The following BMAL1 variants were observed in gnomAD, a reference collection of about 807,000 sequenced individuals.
BMAL1 encodes basic helix-loop-helix ARNT-like protein 1.
At chr11:13,360,728 A>T in the BMAL1 span, among the ~76,000 whole-genome samples, 2 of 152,230 alleles carry the variant, frequency 1.3e-5, no homozygotes, top group Non-Finnish European at 2.9e-5. Flanking sequence ...CTGCATGAAG[A>T]TTTTAGGAAG....
chr11:13,372,909 T>C, the BMAL1 span, among the ~76,000 whole-genome samples: 1 of 152,186 alleles, frequency 6.6e-6, no homozygotes, highest in East Asian at 1.9e-4. Flanking sequence ...CTTTGGCATA[T>C]AGAGACAATT....
the BMAL1 span, among the ~76,000 whole-genome samples, chr11:13,300,017 C>T: frequency 1.3e-5 from 2 of 152,308 alleles, no homozygotes; most frequent in African/African-American, 4.8e-5. Context: ...GGAAAGTTCC[C>T]TTCCCATTCC....
the BMAL1 span, among the ~76,000 whole-genome samples, chr11:13,308,287 C>T: frequency 6.6e-6 from 1 of 152,182 alleles, no homozygotes; most frequent in African/African-American, 2.4e-5. Context: ...GTTTGAGACA[C>T]CCACCATGTC....
the BMAL1 span, among the ~76,000 whole-genome samples, chr11:13,307,565 A>G: frequency 6.6e-6 from 1 of 152,230 alleles, no homozygotes; most frequent in Non-Finnish European, 1.5e-5. Context: ...CAAGGGCATA[A>G]AGAATGAGTC....
At chr11:13,363,337 A>G in the BMAL1 span, among the ~76,000 whole-genome samples, 1 of 152,082 alleles carries the variant, frequency 6.6e-6, no homozygotes, top group African/African-American at 2.4e-5. Context: ...TTATCATGCT[A>G]TCTCAGCTAA....
At chr11:13,278,825 C>T in the BMAL1 span, among the ~76,000 whole-genome samples, 1 of 152,242 alleles carries the variant, frequency 6.6e-6, no homozygotes, top group Non-Finnish European at 1.5e-5. Context: ...AAAAGGTTCC[C>T]GCTCGGCTAT....
the BMAL1 span, among the ~76,000 whole-genome samples, chr11:13,336,149 A>G: frequency 6.6e-6 from 1 of 152,366 alleles, no homozygotes; most frequent in Non-Finnish European, 1.5e-5. Flanking sequence ...CCAAATTTTT[A>G]ACTGCATTCA....
At chr11:13,344,191 C>T in the BMAL1 span, among the ~76,000 whole-genome samples, 1 of 152,178 alleles carries the variant, frequency 6.6e-6, no homozygotes, top group African/African-American at 2.4e-5. Flanking sequence ...TTATTAACAC[C>T]TCCTCAGCAC....
At chr11:13,298,568 C>T in the BMAL1 span, among the ~76,000 whole-genome samples, 26 of 152,120 alleles carry the variant, frequency 1.7e-4, no homozygotes, top group Non-Finnish European at 3.5e-4. Context: ...TTGATGCAGG[C>T]AGGCACCAGT....
the BMAL1 span, among the ~76,000 whole-genome samples, chr11:13,310,466 G>A: frequency 3.2e-3 from 490 of 152,282 alleles, 4 homozygotes; most frequent in African/African-American, 0.011. Context: ...AATCTTCATC[G>A]AAAGGAGTCA....
chr11:13,314,794 C>G, the BMAL1 span, among the ~76,000 whole-genome samples: 1 of 152,216 alleles, frequency 6.6e-6, no homozygotes, highest in African/African-American at 2.4e-5. Flanking sequence ...CCTAGTGGCC[C>G]TTCATGGGGG....
the BMAL1 span, among the ~76,000 whole-genome samples, chr11:13,372,866 TATC>T: frequency 6.6e-6 from 1 of 152,136 alleles, no homozygotes; most frequent in Non-Finnish European, 1.5e-5. Flanking sequence ...TTCAATAGGA[TATC>T]ATCATAAATA....
chr11:13,368,027 T>G, the BMAL1 span, among the ~76,000 whole-genome samples: 1 of 152,230 alleles, frequency 6.6e-6, no homozygotes, highest in African/African-American at 2.4e-5. Context: ...TCTCTTTCAT[T>G]ACAGCACACC....
At chr11:13,349,723 T>C in the BMAL1 span, among the ~76,000 whole-genome samples, 1 of 152,190 alleles carries the variant, frequency 6.6e-6, no homozygotes, top group Non-Finnish European at 1.5e-5. Context: ...GCCAGATTTT[T>C]TCATGTGTTT....
At chr11:13,304,063 C>T in the BMAL1 span, among the ~76,000 whole-genome samples, 3 of 151,990 alleles carry the variant, frequency 2.0e-5, no homozygotes, top group Non-Finnish European at 4.4e-5. Flanking sequence ...CCACTGGGGT[C>T]ACTGTAAGGA....
the BMAL1 span, among the ~76,000 whole-genome samples, chr11:13,363,504 G>C: frequency 3.3e-5 from 5 of 152,132 alleles, no homozygotes; most frequent in African/African-American, 1.2e-4. Context: ...CCCAGTTCCA[G>C]GGACTTGCTT....
the BMAL1 span, chr11:13,355,158 C>A: frequency 1.4e-6 from 2 of 1,437,696 alleles, no homozygotes; most frequent in Non-Finnish European, 1.9e-6. Flanking sequence ...AAGAGGTTTT[C>A]TTTTGTTTAA....
the BMAL1 span, among the ~76,000 whole-genome samples, chr11:13,349,065 C>T: frequency 6.6e-6 from 1 of 152,172 alleles, no homozygotes; most frequent in African/African-American, 2.4e-5. Flanking sequence ...AGGAATCCTC[C>T]ACATGAGTCA....
chr11:13,375,800 C>G, the BMAL1 span: 1 of 1,507,202 alleles, frequency 6.6e-7, no homozygotes, highest in African/African-American at 1.4e-5. Flanking sequence ...CCCCTTGCTT[C>G]AAACAGATGC....
Sources: gnomAD v4.1 joint callset for allele counts (sites outside exome capture counted in the v4.1 genomes callset) on GRCh38, gnomAD v4.1.1 for gene constraint, MANE v1.5 for transcripts, NCBI Gene and HGNC (gene_info 2026-07-23, HGNC 2026-07-21) for gene names.